The following TMC1 variants were observed in gnomAD, a reference collection of about 807,000 sequenced individuals.
The protein encoded by TMC1 is transmembrane channel-like protein 1.
In TMC1, 84 loss-of-function variants were observed where a neutral mutation model predicts 105.8. That is an observed-to-expected ratio of 0.79 (90% CI 0.67 to 0.95). TMC1 has a LOEUF of 0.95. TMC1 is among the 40% of genes least tolerant of loss of function. The pLI, the probability that TMC1 is intolerant of heterozygous loss-of-function variation, is 0.00. For missense variants in TMC1, 817 were observed against 914.1 expected, an observed-to-expected ratio of 0.89 and a Z score of 1.37; for synonymous variants, 315 against 311.5, an observed-to-expected ratio of 1.01 and a Z score of -0.12.
chr9:72,633,989 A>G (rs1262039956), intron 4 of TMC1, among the ~76,000 whole-genome samples: 1 of 152,208 alleles, frequency 6.6e-6, no homozygotes, highest in Non-Finnish European at 1.5e-5. Context: ...AAAGCATTTG[A>G]TAATCACAAG....
intron 7 of TMC1, among the ~76,000 whole-genome samples, chr9:72,695,270 C>G (rs1244563045): frequency 6.6e-6 from 1 of 152,138 alleles, no homozygotes; most frequent in Non-Finnish European, 1.5e-5. Flanking sequence ...TTTGGGTTGT[C>G]ATTTTCTTTT....
At chr9:72,545,959 AAC>A (rs1174785306) in intron 1 of TMC1, among the ~76,000 whole-genome samples, 6 of 151,860 alleles carry the variant, frequency 4.0e-5, no homozygotes, top group African/African-American at 1.5e-4. Context: ...TCAAAAAAAA[AAC>A]AAACCTTCAC....
At chr9:72,743,816 T>G (rs1372314257) in intron 10 of TMC1, among the ~76,000 whole-genome samples, 1 of 152,172 alleles carries the variant, frequency 6.6e-6, no homozygotes, top group Non-Finnish European at 1.5e-5. Context: ...TTTAAAATAT[T>G]GTAAATAAAA....
chr9:72,787,642 CATAT>C (rs141473671), intron 13 of TMC1, among the ~76,000 whole-genome samples: 8 of 148,126 alleles, frequency 5.4e-5, no homozygotes, highest in South Asian at 4.3e-4. Context: ...CATGCAAATA[CATAT>C]ATATATATAT....
rs1418890651 is a variant in TMC1 at position 72,606,982 on chromosome 9, C to CGTGCAT, written c.-305-9386_-305-9385insGTGCAT. The stretch of plus-strand genomic sequence containing the variant: ...ATGTATGTATGTATGTGTGTGTGTG[C>CGTGCAT]ATATATATATATATATATATAGAGA... On this transcript the variant is annotated intron_variant, in intron 2 of 23. Coordinates refer to ENST00000297784, the MANE Select transcript of TMC1 (RefSeq NM_138691.3). 4.4e-3 allele frequency among the ~76,000 whole-genome samples: 618 copies of CGTGCAT among 141,922 alleles called. 7 individuals carry two copies. The highest frequency in any genetic ancestry group is 0.015 in the African/African-American group (580 of 37,780). The allele number at this position is 141,922 out of a possible 152,430, so 93.1% of individuals were successfully genotyped here.
chr9:72,658,847 A>G lies in TMC1; in HGVS notation c.16+10183A>G, dbSNP rs567173224. Among the ~76,000 whole-genome samples, 45 of 152,346 alleles carry G rather than the reference A, an allele frequency of 3.0e-4. 1 individual carries two copies. Among genetic ancestry groups the G allele is most frequent in the African/African-American group, 9.1e-4 (38 of 41,586 alleles). ...TCGGGAAAATACGTAATCTAAGTCA[A>G]TAAATCATAGAGTGAAGATTCCCTC... On this transcript the variant is annotated intron_variant, in intron 5 of 23. Transcript: ENST00000297784.
At chr9:72,701,846 T>A (rs998826011) in intron 8 of TMC1, among the ~76,000 whole-genome samples, 1 of 152,196 alleles carries the variant, frequency 6.6e-6, no homozygotes, top group Non-Finnish European at 1.5e-5. Flanking sequence ...TTCCAAGTTC[T>A]AAACAATGGT....
chr9:72,554,967 T>C (rs937959842), intron 1 of TMC1, among the ~76,000 whole-genome samples: 2 of 152,136 alleles, frequency 1.3e-5, no homozygotes, highest in African/African-American at 4.8e-5. Flanking sequence ...CAATCTCTGC[T>C]GCCCAGGTTC....
chr9:72,761,823 CTTCATCTCT>C (rs927314859), intron 12 of TMC1, among the ~76,000 whole-genome samples: 9 of 152,180 alleles, frequency 5.9e-5, no homozygotes, highest in African/African-American at 2.2e-4. Context: ...TCTTAAGTTC[CTTCATCTCT>C]TATTGCACTG....
At chr9:72,746,316 T>C (rs1351879634) in intron 10 of TMC1, among the ~76,000 whole-genome samples, 1 of 152,222 alleles carries the variant, frequency 6.6e-6, no homozygotes, top group African/African-American at 2.4e-5. Context: ...AACATGTTTC[T>C]AGGCACTATT....
chr9:72,636,258 G>T (rs544865922), intron 4 of TMC1, among the ~76,000 whole-genome samples: 2 of 152,284 alleles, frequency 1.3e-5, no homozygotes, highest in African/African-American at 2.4e-5. Flanking sequence ...AATTGAGGCA[G>T]CTCAGAGACT....
At chr9:72,531,135 G>A (rs1482035269) in intron 1 of TMC1, among the ~76,000 whole-genome samples, 1 of 152,014 alleles carries the variant, frequency 6.6e-6, no homozygotes, top group Non-Finnish European at 1.5e-5. Flanking sequence ...ACTGCACCTG[G>A]CTTCTGCCAT....
chr9:72,701,779 C>T (rs138297270), intron 8 of TMC1, among the ~76,000 whole-genome samples: 43 of 152,238 alleles, frequency 2.8e-4, no homozygotes, highest in South Asian at 2.1e-3. Context: ...CTTCTCTGTG[C>T]GCTTGAAGCG....
chr9:72,719,611 A>C (rs1826984074), intron 8 of TMC1, among the ~76,000 whole-genome samples: 1 of 152,170 alleles, frequency 6.6e-6, no homozygotes, highest in Admixed American at 6.5e-5. Context: ...TGACTTTCCC[A>C]GTATATTTCT....
At chr9:72,716,989 A>G (rs765236345) in intron 8 of TMC1, among the ~76,000 whole-genome samples, 1 of 152,174 alleles carries the variant, frequency 6.6e-6, no homozygotes, top group Non-Finnish European at 1.5e-5. Flanking sequence ...TACAGTCCAT[A>G]GTGGCTTCCC....
Position 72,735,287 on chromosome 9 carries a change from A to G in TMC1, c.363-4832A>G, listed in dbSNP as rs565023540. 9.2e-5 allele frequency among the ~76,000 whole-genome samples: 14 copies of G among 152,306 alleles called. No individual in the cohort carries two copies. The South Asian group carries it at 2.9e-3, about 32-fold the overall frequency. On this transcript the variant is annotated intron_variant, in intron 8 of 23. Coordinates refer to ENST00000297784, the MANE Select transcript of TMC1 (RefSeq NM_138691.3). ...TGGTACACATTTGTTTCAGTCAGAC[A>G]TTTGGATGGTTTGAGGCCAACAGAT... is the stretch of plus-strand genomic sequence containing the variant.
At chr9:72,559,959 T>C (rs940721673) in intron 1 of TMC1, among the ~76,000 whole-genome samples, 2 of 152,192 alleles carry the variant, frequency 1.3e-5, no homozygotes, top group Non-Finnish European at 2.9e-5. Flanking sequence ...TTTGGAACAA[T>C]TGAAAGCTTT....
intron 2 of TMC1, among the ~76,000 whole-genome samples, chr9:72,595,869 TTTC>T (rs1359002135): frequency 3.4e-5 from 5 of 146,872 alleles, no homozygotes; most frequent in African/African-American, 1.3e-4. Flanking sequence ...AGAGATGGGG[TTTC>T]TTTTTTTTTT....
chr9:72,729,638 T>C (rs1827176035), intron 8 of TMC1, among the ~76,000 whole-genome samples: 1 of 152,178 alleles, frequency 6.6e-6, no homozygotes, highest in African/African-American at 2.4e-5. Context: ...TTAAGAGTTC[T>C]TTACCTCTTA....
Sources: allele counts gnomAD v4.1 joint callset (sites outside exome capture counted in the v4.1 genomes callset), GRCh38; gene constraint gnomAD v4.1.1; transcripts MANE v1.5; gene names NCBI Gene and HGNC (gene_info 2026-07-23, HGNC 2026-07-21).